RANBP2: variants seen among roughly 807,000 people sequenced by gnomAD.
RANBP2 encodes E3 SUMO-protein ligase RanBP2.
RANBP2 carries 57 observed loss-of-function variants against 303.6 expected under a neutral mutation model. That is an observed-to-expected ratio of 0.19 (90% CI 0.15 to 0.23). The LOEUF is 0.23. Ranked by LOEUF, RANBP2 falls within the 10% of genes least tolerant of loss-of-function variation. RANBP2 has a pLI of 1.00. For missense variants in RANBP2, 3,138 were observed against 3,780.8 expected (o/e 0.83, Z 4.46); for synonymous variants, 1,167 against 1,301.5 (o/e 0.90, Z 2.23).
chr2:109,689,096 G>A, the RANBP2 span, among the ~76,000 whole-genome samples: 2 of 151,936 alleles, frequency 1.3e-5, no homozygotes, highest in Admixed American at 1.3e-4. Context: ...TAGTAGAGGC[G>A]GGATTTCACC....
chr2:109,585,716 C>G, the RANBP2 span: 3 of 1,592,582 alleles, frequency 1.9e-6, no homozygotes, highest in Middle Eastern at 2.1e-4. Context: ...GTAGGTGGCA[C>G]GTACCCACAC....
chr2:109,590,065 T>TACACACACATATATATGTATATATATAC, the RANBP2 span, among the ~76,000 whole-genome samples: 1 of 148,218 alleles, frequency 6.7e-6, no homozygotes, highest in African/African-American at 2.5e-5. Context: ...TGTATATATA[T>TACACACACATATATATGTATATATATAC]ACACACACAT....
the RANBP2 span, among the ~76,000 whole-genome samples, chr2:109,633,429 A>C: frequency 2.5e-4 from 37 of 148,636 alleles, no homozygotes; most frequent in African/African-American, 8.9e-4. Context: ...CAAAACAAAA[A>C]AACAGACAGA....
chr2:109,688,951 A>G, the RANBP2 span, among the ~76,000 whole-genome samples: 1 of 148,682 alleles, frequency 6.7e-6, no homozygotes, highest in Non-Finnish European at 1.5e-5. Context: ...CTCGTCACCC[A>G]GGCGGAGTGC....
At chr2:109,007,620 C>T in the RANBP2 span, among the ~76,000 whole-genome samples, 2 of 152,222 alleles carry the variant, frequency 1.3e-5, no homozygotes, top group African/African-American at 4.8e-5. Context: ...TCACATAGCA[C>T]AGCCTTGGTG....
At chr2:109,349,588 G>A in the RANBP2 span, among the ~76,000 whole-genome samples, 60 of 152,300 alleles carry the variant, frequency 3.9e-4, no homozygotes, top group African/African-American at 1.3e-3. Context: ...CTCAGGGTCC[G>A]GTCAGGGCCT....
chr2:108,775,985 A>G (rs749946613), intron 24 of RANBP2, 49 bp downstream of exon 24: 1 of 1,470,958 alleles, frequency 6.8e-7, no homozygotes, highest in East Asian at 2.4e-5. Flanking sequence ...GACACCTTAT[A>G]TTTGAGAAGA....
chr2:108,928,016 G>GC, the RANBP2 span, among the ~76,000 whole-genome samples: 3 of 152,024 alleles, frequency 2.0e-5, no homozygotes, highest in Non-Finnish European at 4.4e-5. Flanking sequence ...CCCTCTCCCT[G>GC]CCCACAGCAT....
At chr2:109,318,678 G>C in the RANBP2 span, among the ~76,000 whole-genome samples, 1 of 152,142 alleles carries the variant, frequency 6.6e-6, no homozygotes, top group Non-Finnish European at 1.5e-5. Flanking sequence ...AAGCCAGAAT[G>C]GTCTCTCAGA....
chr2:108,866,525 G>C, the RANBP2 span, among the ~76,000 whole-genome samples: 1 of 152,116 alleles, frequency 6.6e-6, no homozygotes, highest in African/African-American at 2.4e-5. Flanking sequence ...CCATGTACAG[G>C]TACAAGCATT....
chr2:108,763,627 C>G lies in RANBP2; in HGVS notation c.3088C>G (p.Pro1030Ala), dbSNP rs556303262. The stretch of plus-strand genomic sequence containing the variant: ...ACAAGCACACACAACACAGCCAACT[C>G]CTTTTAAATTTAACTCAAATTTCAA... ...PTQAHTTQPT[P>A]FKFNSNFKSN... The change falls in exon 20 of 29, where the codon CCT (proline) becomes GCT (alanine). Residue 1030 changes from proline (P) to alanine (A), a missense_variant. Physicochemically the swap from Pro to Ala is conservative, Grantham distance 27. This residue lies in a region of RANBP2 where 403 missense variants were observed against 376.7 expected (regional missense o/e 1.07). Coordinates refer to ENST00000283195, the MANE Select transcript of RANBP2 (RefSeq NM_006267.5). 4.0e-5 allele frequency: 64 copies of G among 1,614,118 alleles called. No homozygotes were observed. The South Asian group carries it at 6.4e-4, about 16-fold the overall frequency.
chr2:109,468,512 T>G, the RANBP2 span, among the ~76,000 whole-genome samples: 2 of 152,122 alleles, frequency 1.3e-5, no homozygotes, highest in African/African-American at 4.8e-5. Flanking sequence ...GCAAAATGTT[T>G]CCATGCGCCT....
chr2:109,696,046 C>A, the RANBP2 span, among the ~76,000 whole-genome samples: 1 of 152,128 alleles, frequency 6.6e-6, no homozygotes, highest in African/African-American at 2.4e-5. Flanking sequence ...TCACTGCAAC[C>A]TCCACCTCCC....
chr2:109,217,431 TG>T, the RANBP2 span, among the ~76,000 whole-genome samples: 2 of 152,244 alleles, frequency 1.3e-5, no homozygotes, highest in Non-Finnish European at 1.5e-5. Flanking sequence ...GCTCACCAGA[TG>T]GTTTGTCTCA....
At chr2:108,811,245 C>CTTTTTT in the RANBP2 span, among the ~76,000 whole-genome samples, 1,429 of 109,528 alleles carry the variant, frequency 0.013, 150 homozygotes, top group African/African-American at 0.038. Context: ...CTTTCTCTCT[C>CTTTTTT]TCTTTTTTTT....
At chr2:108,961,575 T>C in the RANBP2 span, among the ~76,000 whole-genome samples, 1 of 152,216 alleles carries the variant, frequency 6.6e-6, no homozygotes, top group African/African-American at 2.4e-5. Context: ...TTATGGACGT[T>C]CTGCAAAAAC....
At chr2:108,895,076 A>G in the RANBP2 span, 8 of 152,664 alleles carry the variant, frequency 5.2e-5, no homozygotes, top group African/African-American at 1.7e-4. Context: ...GAGGAATTAA[A>G]AGGATAATTA....
Position 108,739,011 on chromosome 2 carries a change from G to C in RANBP2, c.783-1478G>C, listed in dbSNP as rs114144396. ...AAAGTGTCATTGCTTTTGCATTTTT[G>C]TGAATCTTTTTAATGTCTCGCTTAA... On this transcript the variant is annotated intron_variant, in intron 6 of 28. Coordinates refer to ENST00000283195, the MANE Select transcript of RANBP2 (RefSeq NM_006267.5). Among the ~76,000 whole-genome samples the C allele has an allele frequency of 7.3e-3, 1,104 of 152,182 alleles. 12 individuals carry two copies. The highest frequency in any genetic ancestry group is 0.026 in the African/African-American group (1,063 of 41,508).
chr2:109,446,743 T>G, the RANBP2 span, among the ~76,000 whole-genome samples: 4 of 144,958 alleles, frequency 2.8e-5, no homozygotes, highest in South Asian at 6.8e-4. Context: ...GGAGGTGAGG[T>G]TGGAGCTTGC....
Sources: gnomAD v4.1 joint callset for allele counts (sites outside exome capture counted in the v4.1 genomes callset) on GRCh38, gnomAD v4.1.1 for gene constraint, gnomAD v4.1.1 regional missense constraint, MANE v1.5 for transcripts, NCBI Gene and HGNC (gene_info 2026-07-23, HGNC 2026-07-21) for gene names.